Variants in PYROXD2 observed in about 807,000 individuals in gnomAD.
The protein encoded by PYROXD2 is pyridine nucleotide-disulphide oxidoreductase domain 2.
A neutral mutation model predicts 71.1 loss-of-function variants in PYROXD2; 69 were observed. That is an observed-to-expected ratio of 0.97 (90% CI 0.80 to 1.19). The LOEUF (loss-of-function observed/expected upper bound fraction) is 1.19, where lower values mean the gene tolerates loss of function less well. Among genes scored for constraint, PYROXD2 ranks in the 50% most tolerant of loss-of-function variants. The pLI is 0.00. For missense variants in PYROXD2, 745 were observed against 748.9 expected (o/e 0.99, Z 0.06); for synonymous variants, 287 against 302.7 (o/e 0.95, Z 0.54).
At chr10:98,390,102 C>T (rs77354140) in intron 12 of PYROXD2, among the ~76,000 whole-genome samples, 68 of 152,202 alleles carry the variant, frequency 4.5e-4, no homozygotes, top group African/African-American at 1.4e-3. Flanking sequence ...TGCTGGACAG[C>T]GGACAGGATG....
At chr10:98,412,621 C>T (rs1843825793) in intron 1 of PYROXD2, among the ~76,000 whole-genome samples, 1 of 152,186 alleles carries the variant, frequency 6.6e-6, no homozygotes, top group South Asian at 2.1e-4. Context: ...AAGGTGGCGG[C>T]CAGGTGCCAG....
At chr10:98,386,349 G>GGAAGGAAA (rs1163260076) in intron 14 of PYROXD2, among the ~76,000 whole-genome samples, 1 of 150,458 alleles carries the variant, frequency 6.6e-6, no homozygotes, top group African/African-American at 2.4e-5. Context: ...AAGGAAGGAA[G>GGAAGGAAA]GAAGGAAGGA....
intron 2 of PYROXD2, among the ~76,000 whole-genome samples, chr10:98,408,327 C>T (rs1030397475): frequency 3.3e-5 from 5 of 152,202 alleles, no homozygotes; most frequent in Non-Finnish European, 7.4e-5. Flanking sequence ...GGATGTCGCT[C>T]TCCTCCAGGC....
At chr10:98,384,785 C>G (rs1021954058) in intron 15 of PYROXD2, among the ~76,000 whole-genome samples, 162 bp downstream of exon 15, 1 of 152,212 alleles carries the variant, frequency 6.6e-6, no homozygotes, top group African/African-American at 2.4e-5. Context: ...GTGTGCTCAC[C>G]TGTGCATGGA....
At chr10:98,400,686 C>T (rs1208765812) in intron 4 of PYROXD2, among the ~76,000 whole-genome samples, 2 of 152,214 alleles carry the variant, frequency 1.3e-5, no homozygotes, top group African/African-American at 2.4e-5. Flanking sequence ...ACACTCATTC[C>T]ATGCCAGGGA....
intron 5 of PYROXD2, among the ~76,000 whole-genome samples, 166 bp downstream of exon 5, chr10:98,399,936 C>T (rs1050018550): frequency 2.0e-5 from 3 of 152,250 alleles, no homozygotes; most frequent in African/African-American, 7.2e-5. Flanking sequence ...CTTCTCTTCG[C>T]AGTGCCTGAG....
In PYROXD2 at chr10:98,387,196, CA is replaced by C; in HGVS notation, c.1554+4del. On this transcript the variant is annotated splice_donor_region_variant and intron_variant, in intron 14 of 15. Transcript: ENST00000370575. The stretch of plus-strand genomic sequence containing the variant: ...TGGTGAGAGACCCCCTAGGCTTATA[CA>C]TACCCCTCCAGGAAGCCCGAAGATT... 6.2e-7 allele frequency: 1 copy of C among 1,611,144 alleles called. No homozygotes were observed. Among genetic ancestry groups the C allele is most frequent in the Non-Finnish European group, 8.5e-7 (1 of 1,177,490 alleles).
intron 5 of PYROXD2, among the ~76,000 whole-genome samples, chr10:98,399,628 ACT>A (rs1417864383): frequency 6.6e-5 from 10 of 152,232 alleles, no homozygotes; most frequent in African/African-American, 2.4e-4. Flanking sequence ...GGGATGCCAC[ACT>A]GAATAAATAT....
intron 8 of PYROXD2, among the ~76,000 whole-genome samples, chr10:98,394,159 T>C (rs893619605): frequency 2.0e-5 from 3 of 152,184 alleles, no homozygotes; most frequent in Non-Finnish European, 4.4e-5. Context: ...CTCACTACCG[T>C]ATCCCCAGCA....
At position 98,392,537 on chromosome 10, in the gene PYROXD2, T is replaced by C. The variant is rs1347645211; in HGVS notation, c.957A>G (p.Glu319=). The part of the protein sequence containing the change: ...KTVAKVQVNS[E]GCVQGVVLED... ...CCAGCACAACTCCTTGAACACAGCCTTCACTGTTCACCTGCACCTTCGCCA... is the reference window on the plus strand; with the variant it reads ...CCAGCACAACTCCTTGAACACAGCCCTCACTGTTCACCTGCACCTTCGCCA... Residue 319 remains glutamate, a synonymous_variant, in exon 10 of 16, where the codon GAA becomes GAG. Coordinates refer to ENST00000370575, the MANE Select transcript of PYROXD2 (RefSeq NM_032709.3). 1.2e-6 allele frequency: 2 copies of C among 1,612,820 alleles called. No individual in the cohort carries two copies. The highest frequency in any genetic ancestry group is 3.3e-5 in the Admixed American group (2 of 59,994).
chr10:98,390,611 G>A lies in PYROXD2; in HGVS notation c.1279C>T (p.Leu427=), dbSNP rs1013524109. 5.0e-6 allele frequency: 8 copies of A among 1,595,528 alleles called. No individual in the cohort carries two copies. In the Admixed American group the frequency reaches 7.0e-5, roughly 14 times the overall value. ...HQAFEDAMDG[L]PSHRPVIELC... ...CAGGGCCCCTACCTGTGGGAAGGCA[G>A]GCCATCCATGGCATCTTCAAAGGCC... Residue 427 remains leucine (L), a synonymous_variant, in exon 12 of 16, where the codon CTG becomes TTG. Transcript: ENST00000370575.
chr10:98,405,642 G>A (rs1351208743), intron 4 of PYROXD2, among the ~76,000 whole-genome samples: 2 of 152,194 alleles, frequency 1.3e-5, no homozygotes, highest in East Asian at 1.9e-4. Flanking sequence ...GGAGGCAGAC[G>A]CAGCCGGCCG....
At chr10:98,399,628 A>C (rs992709547) in intron 5 of PYROXD2, among the ~76,000 whole-genome samples, 5 of 152,232 alleles carry the variant, frequency 3.3e-5, no homozygotes, top group Non-Finnish European at 7.3e-5. Context: ...GGGATGCCAC[A>C]CTGAATAAAT....
At chr10:98,388,714 CA>C (rs1842846361) in intron 12 of PYROXD2, among the ~76,000 whole-genome samples, 1 of 151,898 alleles carries the variant, frequency 6.6e-6, no homozygotes, top group African/African-American at 2.4e-5. Context: ...CGCCTGACCC[CA>C]GACCCCCGAA....
chr10:98,390,919 G>T, intron 11 of PYROXD2, 91 bp downstream of exon 11: 1 of 1,337,622 alleles, frequency 7.5e-7, no homozygotes, highest in South Asian at 1.2e-5. Context: ...CGGGAATGGA[G>T]ATGATGACTG....
intron 4 of PYROXD2, among the ~76,000 whole-genome samples, chr10:98,406,676 G>A (rs962293213): frequency 2.0e-5 from 3 of 151,872 alleles, no homozygotes; most frequent in African/African-American, 7.3e-5. Flanking sequence ...GGTGGATCAC[G>A]AGATCAGGAG....
rs1019884655 is a variant in PYROXD2 at position 98,410,833 on chromosome 10, C to G, written c.147+106G>C. ...GCATCGACTAGGCTGCCTTTTCCTT[C>G]TCTCTCAAGGCCCTTATCCCACCTG... On this transcript the variant is annotated intron_variant, in intron 2 of 15. Coordinates refer to ENST00000370575, the MANE Select transcript of PYROXD2 (RefSeq NM_032709.3). 2.6e-6 allele frequency: 4 copies of G among 1,514,604 alleles called. No individual in the cohort carries two copies. The Admixed American group carries it at 8.0e-5, about 30-fold the overall frequency. The allele number at this position is 1,514,604 out of a possible 1,614,324, so 93.8% of individuals were successfully genotyped here. A position where few individuals can be genotyped will look rare whatever the true frequency, so the allele number is the denominator to read the frequency against.
intron 15 of PYROXD2, among the ~76,000 whole-genome samples, 198 bp from the exon 16 acceptor site, chr10:98,384,066 G>A (rs577547401): frequency 4.3e-4 from 65 of 152,248 alleles, no homozygotes; most frequent in African/African-American, 1.3e-3. Context: ...CCAAAGGTCT[G>A]GGGAGGGGCC....
Position 98,388,436 on chromosome 10 carries a change from G to C in PYROXD2, c.1365C>G (p.Ser455=). ...TLAPPGCHVV[S]LFTQYMPYTL... Reference sequence around the variant, plus strand: ...TATAGGGCATGTACTGAGTGAAGAGGGAGACTACATGGCAGCCAGGGGGAG... The same window carrying C: ...TATAGGGCATGTACTGAGTGAAGAGCGAGACTACATGGCAGCCAGGGGGAG... The change falls in exon 13 of 16, where the codon TCC becomes TCG. Residue 455 remains serine (S), a synonymous_variant. Transcript: ENST00000370575. 1 of 1,613,444 alleles carries C rather than the reference G, an allele frequency of 6.2e-7. No homozygotes were observed. The highest frequency in any genetic ancestry group is 8.5e-7 in the Non-Finnish European group (1 of 1,179,892).
Sources: gnomAD v4.1 joint callset for allele counts (sites outside exome capture counted in the v4.1 genomes callset) on GRCh38, gnomAD v4.1.1 for gene constraint, MANE v1.5 for transcripts, NCBI Gene and HGNC (gene_info 2026-07-23, HGNC 2026-07-21) for gene names.